EDN2: variants seen among roughly 807,000 people sequenced by gnomAD.
EDN2 encodes endothelin-2.
Under a neutral mutation model 19.9 loss-of-function variants are expected in EDN2, and 10 were observed. The ratio of observed to expected loss-of-function variants is 0.50; its 90% CI spans 0.31 to 0.85. EDN2 has a LOEUF of 0.85. EDN2 is among the 40% of genes least tolerant of loss of function. The pLI, the probability that EDN2 is intolerant of heterozygous loss-of-function variation, is 0.05. For missense variants in EDN2, 222 were observed against 239.3 expected (o/e 0.93, Z 0.48); for synonymous variants, 84 against 94.9 (o/e 0.89, Z 0.67).
intron 2 of EDN2, chr1:41,483,141 G>GTA (rs1223351521): frequency 6.6e-6 from 1 of 152,348 alleles, no homozygotes; most frequent in Non-Finnish European, 1.5e-5. Context: ...GTGTGTGTGT[G>GTA]TGTTCAGATG....
chr1:41,484,437 G>T, intron 1 of EDN2, 101 bp downstream of exon 1: 1 of 1,466,378 alleles, frequency 6.8e-7, no homozygotes, highest in Admixed American at 2.2e-5. Context: ...TCCCGCCCCT[G>T]TCTGCCCCCA....
At position 41,484,102 on chromosome 1, in the gene EDN2, C is replaced by T. The variant is rs1200002823; in HGVS notation, c.166G>A (p.Asp56Asn). 2.5e-6 allele frequency: 4 copies of T among 1,613,606 alleles called. No individual in the cohort carries two copies. Among genetic ancestry groups the T allele is most frequent in the Admixed American group, 3.3e-5 (2 of 59,998 alleles). ...LRRCSCSSWLDKECVYFCHLD... is the reference protein window; with the variant it reads ...LRRCSCSSWLNKECVYFCHLD... Reference sequence around the variant, plus strand: ...TGGCAGAAGTAGACGCACTCCTTGTCGAGCCAGGAGCTGCAGGAGCAACGG... The same window carrying T: ...TGGCAGAAGTAGACGCACTCCTTGTTGAGCCAGGAGCTGCAGGAGCAACGG... Residue 56 changes from aspartate to asparagine, a missense_variant, in exon 2 of 5, where the codon GAC becomes AAC. Transcript: ENST00000372587.
chr1:41,481,145 G>T lies in EDN2; in HGVS notation c.393C>A (p.Phe131Leu). Residue 131 changes from phenylalanine to leucine, a missense_variant, in exon 4 of 5, where the codon TTC (phenylalanine) becomes TTA (leucine). Physicochemically the swap from Phe to Leu is conservative, Grantham distance 22. Coordinates refer to ENST00000372587, the MANE Select transcript of EDN2 (RefSeq NM_001956.5). ...VPSRKSPADV[F>L]QTGKTGATTG... is the part of the protein sequence containing the mutation. ...TAGTGGCCCCTGTCTTGCCAGTCTG[G>T]AACACGTCTGCAGGGGACTTCCGGC... 3.1e-6 allele frequency: 5 copies of T among 1,614,014 alleles called. No homozygotes were observed. Among genetic ancestry groups the T allele is most frequent in the African/African-American group, 1.3e-5 (1 of 75,064 alleles).
rs1367113938 is a variant in EDN2, at chr1:41,484,643, C to T, written c.-42G>A. The T allele has an allele frequency of 2.6e-6, 4 of 1,548,980 alleles. No individual in the cohort carries two copies. Among genetic ancestry groups the T allele is most frequent in the Non-Finnish European group, 3.5e-6 (4 of 1,145,456 alleles). On this transcript the variant is annotated 5_prime_UTR_variant, in exon 1 of 5. Coordinates refer to ENST00000372587, the MANE Select transcript of EDN2 (RefSeq NM_001956.5). ...GCAGGCTGGACTGGAGCAGGGAGTG[C>T]CTGTTGCCAGCGTCCTGCTATTAAG...
chr1:41,483,638 C>T (rs976962077), intron 2 of EDN2: 15 of 175,770 alleles, frequency 8.5e-5, no homozygotes, highest in Non-Finnish European at 1.1e-4. Context: ...AGTCAAAGCA[C>T]GGGTGCTGTC....
chr1:41,483,054 C>T, intron 2 of EDN2: 1 of 153,908 alleles, frequency 6.5e-6, no homozygotes, highest in Non-Finnish European at 1.4e-5. Flanking sequence ...CATAGCTAAG[C>T]TGCCCCCATC....
At chr1:41,480,117 G>T (rs1195948429) in intron 4 of EDN2, among the ~76,000 whole-genome samples, 1 of 152,242 alleles carries the variant, frequency 6.6e-6, no homozygotes, top group Non-Finnish European at 1.5e-5. Context: ...GAACTGCTGA[G>T]AATGAGTACA....
At position 41,481,087 on chromosome 1, in the gene EDN2, G is replaced by A. The variant is rs762035404; in HGVS notation, c.443+8C>T. On this transcript the variant is annotated splice_region_variant and intron_variant, in intron 4 of 4. Coordinates refer to ENST00000372587, the MANE Select transcript of EDN2 (RefSeq NM_001956.5). ...TGCTCAGTCTGTGCATGTGTCCCAC[G>A]CCCTCACCTCAGCCTTTGGAGAAGC... 1.2e-5 allele frequency: 19 copies of A among 1,609,088 alleles called. No homozygotes were observed. Among genetic ancestry groups the A allele is most frequent in the Non-Finnish European group, 1.6e-5 (19 of 1,175,656 alleles).
At chr1:41,480,562 G>T (rs1385100778) in intron 4 of EDN2, 2 of 366,042 alleles carry the variant, frequency 5.5e-6, no homozygotes, top group Non-Finnish European at 1.1e-5. Context: ...AGGCTGGGCT[G>T]GGGTTCAGAT....
At chr1:41,484,245 G>A (rs1239046070) in intron 1 of EDN2, 42 bp from the exon 2 acceptor site, 1 of 1,598,840 alleles carries the variant, frequency 6.3e-7, no homozygotes, top group African/African-American at 1.3e-5. Flanking sequence ...AGGTGGGTTG[G>A]GGTGCCTGGC....
At chr1:41,480,865 C>T (rs1309714154) in intron 4 of EDN2, 1 of 670,402 alleles carries the variant, frequency 1.5e-6, no homozygotes, top group Non-Finnish European at 2.7e-6. Context: ...CTAAAAAGTC[C>T]ACTTCCAGGC....
chr1:41,481,217 A>T, intron 3 of EDN2, 24 bp from the exon 4 acceptor site: 1 of 1,604,250 alleles, frequency 6.2e-7, no homozygotes, highest in South Asian at 1.1e-5. Context: ...ATTAGGGCCC[A>T]AGTGATGGAC....
intron 4 of EDN2, 125 bp from the exon 5 acceptor site, chr1:41,479,627 G>A: frequency 1.3e-6 from 1 of 772,336 alleles, no homozygotes; most frequent in Non-Finnish European, 2.1e-6. Flanking sequence ...CGGCCCTGGG[G>A]TCAGACAGTG....
intron 3 of EDN2, among the ~76,000 whole-genome samples, chr1:41,482,135 C>T (rs1362075443): frequency 2.6e-5 from 4 of 152,246 alleles, no homozygotes; most frequent in South Asian, 4.1e-4. Flanking sequence ...CCTGGCCCTC[C>T]TTCTGACAAG....
Position 41,481,189 on chromosome 1 carries a change from C to G in EDN2, c.349G>C (p.Glu117Gln), listed in dbSNP as rs759554381. 1 of 1,613,836 alleles carries G rather than the reference C, an allele frequency of 6.2e-7. No individual in the cohort carries two copies. Among genetic ancestry groups the G allele is most frequent in the Non-Finnish European group, 8.5e-7 (1 of 1,179,958 alleles). The change falls in exon 4 of 5, where the codon GAA becomes CAA. Residue 117 changes from glutamate (E) to glutamine (Q), a missense_variant. Transcript: ENST00000372587. ...TTCCGGCTTGGGACTGCCCCGGCTT[C>G]AGTCCTACGTGAATAGCATTAGGGC... The part of the protein sequence containing the change: ...ATFCLRRPWT[E>Q]AGAVPSRKSP...
rs776673081 is a variant in EDN2 at position 41,478,882 on chromosome 1, T to C, written c.*527A>G. 2.2e-5 allele frequency: 5 copies of C among 226,498 alleles called. No individual in the cohort carries two copies. The highest frequency in any genetic ancestry group is 4.4e-5 in the Non-Finnish European group (5 of 112,536). The allele number at this position is 226,498 out of a possible 1,614,324, so 14.0% of individuals were successfully genotyped here. On this transcript the variant is annotated 3_prime_UTR_variant, in exon 5 of 5. Coordinates refer to ENST00000372587, the MANE Select transcript of EDN2 (RefSeq NM_001956.5). ...CTCAAAGTTCTTAGGGCAAATAAGTTATATACAGACAGGAAAAGCAGAGCA... is the reference window on the plus strand; with the variant it reads ...CTCAAAGTTCTTAGGGCAAATAAGTCATATACAGACAGGAAAAGCAGAGCA...
At chr1:41,484,342 G>T (rs2149039122) in intron 1 of EDN2, 139 bp from the exon 2 acceptor site, 3 of 1,318,984 alleles carry the variant, frequency 2.3e-6, no homozygotes, top group East Asian at 2.5e-5. Flanking sequence ...CTCCAGGCCA[G>T]CCCAGGGAAG....
chr1:41,481,328 G>T, intron 3 of EDN2, 135 bp from the exon 4 acceptor site: 1 of 638,440 alleles, frequency 1.6e-6, no homozygotes, highest in South Asian at 2.0e-5. Flanking sequence ...CCACCCCTGT[G>T]CACCTGGCAT....
Position 41,483,965 on chromosome 1 carries a change from A to G in EDN2, c.221+82T>C, listed in dbSNP as rs983823743. 3.9e-5 allele frequency: 56 copies of G among 1,433,726 alleles called. No homozygotes were observed. In the African/African-American group the frequency reaches 4.7e-4, roughly 12 times the overall value. 88.8% of individuals were successfully genotyped at this position (1,433,726 alleles called of 1,614,324 possible). A position where few individuals can be genotyped will look rare whatever the true frequency, so the allele number is the denominator to read the frequency against. On this transcript the variant is annotated intron_variant, in intron 2 of 4. Coordinates refer to ENST00000372587, the MANE Select transcript of EDN2 (RefSeq NM_001956.5). ...GCCCAGGGAGAGATGGAATGTGTCAACGTTCCCTAGCATGCCAGTAGCTTC... is the reference window on the plus strand; with the variant it reads ...GCCCAGGGAGAGATGGAATGTGTCAGCGTTCCCTAGCATGCCAGTAGCTTC...
Sources: allele counts gnomAD v4.1 joint callset (sites outside exome capture counted in the v4.1 genomes callset), GRCh38; gene constraint gnomAD v4.1.1; transcripts MANE v1.5; gene names NCBI Gene and HGNC (gene_info 2026-07-23, HGNC 2026-07-21).